The following PTPN3 variants were observed in gnomAD, a reference collection of about 807,000 sequenced individuals.
The protein encoded by PTPN3 is tyrosine-protein phosphatase non-receptor type 3.
In PTPN3, 96 loss-of-function variants were observed where a neutral mutation model predicts 132.7. The observed-to-expected ratio is 0.72, with a 90% CI of 0.61 to 0.86. The LOEUF (loss-of-function observed/expected upper bound fraction) is 0.86. Among genes scored for constraint, PTPN3 ranks in the 40% least tolerant of loss-of-function variants. The pLI, the probability that PTPN3 is intolerant of heterozygous loss-of-function variation, is 0.00. For synonymous variants in PTPN3, 398 were observed against 429.0 expected (o/e 0.93, Z 0.89); for missense variants, 1,125 against 1,159.6 (o/e 0.97, Z 0.43).
Position 109,457,309 on chromosome 9 carries a change from C to T in PTPN3, c.229G>A (p.Asp77Asn), listed in dbSNP as rs35285139. ...KEYFGLQHDD[D>N]SVDSPRWLEA... ...GCACTTACAGGAGAGTCCACGGAGT[C>T]GTCATCATGCTGTAAACCAAAATAT... Residue 77 changes from aspartate (D) to asparagine (N), a missense_variant, in exon 3 of 26, where the codon GAC becomes AAC. By Grantham distance (23) the Asp-to-Asn change is conservative. Coordinates refer to ENST00000374541, the MANE Select transcript of PTPN3 (RefSeq NM_002829.4). The T allele has an allele frequency of 7.4e-4, 1,191 of 1,613,974 alleles. 7 individuals carry two copies. The African/African-American group carries it at 9.5e-3, about 13-fold the overall frequency.
At chr9:109,459,120 G>A (rs575089823) in intron 2 of PTPN3, among the ~76,000 whole-genome samples, 1 of 152,222 alleles carries the variant, frequency 6.6e-6, no homozygotes, top group Non-Finnish European at 1.5e-5. Flanking sequence ...TATCTATTCT[G>A]CATAATTCAT....
At chr9:109,445,969 T>C (rs368105353) in intron 6 of PTPN3, among the ~76,000 whole-genome samples, 44 of 152,330 alleles carry the variant, frequency 2.9e-4, no homozygotes, top group African/African-American at 9.4e-4. Flanking sequence ...TTAAACTCAC[T>C]GCTTTCCCAG....
At chr9:109,431,860 T>C (rs1205674012) in intron 10 of PTPN3, among the ~76,000 whole-genome samples, 1 of 152,126 alleles carries the variant, frequency 6.6e-6, no homozygotes, top group East Asian at 1.9e-4. Flanking sequence ...TGTACCTCTG[T>C]TTCCTCCTCC....
At chr9:109,384,836 CTA>C (rs1477801889) in intron 22 of PTPN3, among the ~76,000 whole-genome samples, 5 of 152,238 alleles carry the variant, frequency 3.3e-5, no homozygotes, top group Non-Finnish European at 7.3e-5. Flanking sequence ...TGAAACTAAA[CTA>C]TGCCGCTGGA....
intron 11 of PTPN3, 92 bp downstream of exon 11, chr9:109,428,529 T>A: frequency 7.4e-7 from 1 of 1,351,184 alleles, no homozygotes; most frequent in Non-Finnish European, 1.0e-6. Context: ...GAGGATCCCC[T>A]GAGCTCAGTT....
chr9:109,424,508 G>A (rs1306689654), intron 12 of PTPN3, among the ~76,000 whole-genome samples: 1 of 152,234 alleles, frequency 6.6e-6, no homozygotes, highest in African/African-American at 2.4e-5. Context: ...CGCTGTGCCA[G>A]TGCCAGGTCT....
At chr9:109,421,493 C>T (rs1842889731) in intron 13 of PTPN3, among the ~76,000 whole-genome samples, 1 of 152,166 alleles carries the variant, frequency 6.6e-6, no homozygotes. Flanking sequence ...CTTGTGACTC[C>T]TCAGGAGAGG....
At chr9:109,461,817 G>A (rs750794807) in intron 2 of PTPN3, among the ~76,000 whole-genome samples, 6 of 152,108 alleles carry the variant, frequency 3.9e-5, no homozygotes, top group South Asian at 2.1e-4. Flanking sequence ...TGCCACATGC[G>A]GCTGGGGGGC....
the PTPN3 span, among the ~76,000 whole-genome samples, chr9:109,508,219 G>A: frequency 5.9e-5 from 9 of 151,518 alleles, no homozygotes; most frequent in Non-Finnish European, 1.0e-4. Flanking sequence ...GGAGTGCAGC[G>A]GCGCGATCTT....
chr9:109,408,794 A>ATATATATATATATATAT (rs373957307), intron 16 of PTPN3, among the ~76,000 whole-genome samples: 2 of 87,374 alleles, frequency 2.3e-5, no homozygotes, highest in African/African-American at 1.1e-4. Context: ...AAAAAAAAAA[A>ATATATATATATATATAT]AAATATATAT....
intron 4 of PTPN3, among the ~76,000 whole-genome samples, chr9:109,455,240 A>G (rs1845502837): frequency 6.6e-6 from 1 of 152,224 alleles, no homozygotes; most frequent in Admixed American, 6.5e-5. Flanking sequence ...TTTATGCATC[A>G]ACATCTAGAG....
At chr9:109,431,528 G>A (rs1035547656) in intron 10 of PTPN3, among the ~76,000 whole-genome samples, 1 of 152,204 alleles carries the variant, frequency 6.6e-6, no homozygotes, top group Admixed American at 6.5e-5. Flanking sequence ...CAAGCAGGCT[G>A]GAGTTTCTTG....
chr9:109,387,703 C>A (rs1279442635), intron 22 of PTPN3, among the ~76,000 whole-genome samples: 1 of 152,180 alleles, frequency 6.6e-6, no homozygotes, highest in East Asian at 1.9e-4. Flanking sequence ...AACTCAAACG[C>A]CTCCTCTGAC....
chr9:109,510,566 AAAAAAAAAAAATAT>A, the PTPN3 span, among the ~76,000 whole-genome samples: 1 of 50,894 alleles, frequency 2.0e-5, no homozygotes, highest in African/African-American at 6.6e-5. Context: ...CTTAAAAAAA[AAAAAAAAAAAATAT>A]ATATATATAT....
intron 25 of PTPN3, 73 bp downstream of exon 25, chr9:109,381,579 C>T: frequency 6.4e-7 from 1 of 1,566,836 alleles, no homozygotes; most frequent in Middle Eastern, 2.0e-4. Flanking sequence ...ACTCACAAAG[C>T]CCTTCTCTCA....
At chr9:109,522,773 T>C in the PTPN3 span, among the ~76,000 whole-genome samples, 3 of 152,186 alleles carry the variant, frequency 2.0e-5, no homozygotes, top group Non-Finnish European at 4.4e-5. Context: ...TTATTAAAGT[T>C]AAAAGTGGAA....
At chr9:109,416,442 TTTTTGTTTC>T (rs1842499762) in intron 14 of PTPN3, among the ~76,000 whole-genome samples, 6 of 141,344 alleles carry the variant, frequency 4.2e-5, no homozygotes, top group African/African-American at 1.6e-4. Flanking sequence ...GTTTTTTGTT[TTTTTGTTTC>T]TTTTTTTTTT....
chr9:109,524,399 C>A, the PTPN3 span, among the ~76,000 whole-genome samples: 1 of 39,262 alleles, frequency 2.5e-5, no homozygotes, highest in Non-Finnish European at 4.7e-5. Context: ...GCTGGAGCCT[C>A]TGAAGTTCAG....
intron 13 of PTPN3, among the ~76,000 whole-genome samples, chr9:109,421,417 T>C (rs1314545521): frequency 6.6e-6 from 1 of 152,222 alleles, no homozygotes; most frequent in Non-Finnish European, 1.5e-5. Flanking sequence ...AGGGCCTCCA[T>C]GATTTGCAAT....
Sources: allele counts gnomAD v4.1 joint callset (sites outside exome capture counted in the v4.1 genomes callset), GRCh38; gene constraint gnomAD v4.1.1; transcripts MANE v1.5; gene names NCBI Gene and HGNC (gene_info 2026-07-23, HGNC 2026-07-21).